LANCL2: variants seen among roughly 807,000 people sequenced by gnomAD.
LANCL2 encodes the protein lanC-like protein 2.
In LANCL2, 33 loss-of-function variants were observed where a neutral mutation model predicts 56.9. That is an observed-to-expected ratio of 0.58 (90% CI 0.44 to 0.78). The LOEUF is 0.78. Ranked by LOEUF, LANCL2 falls within the 30% of genes least tolerant of loss-of-function variation. LANCL2 has a pLI of 0.00. For missense variants in LANCL2, 562 were observed against 580.2 expected, an observed-to-expected ratio of 0.97 and a Z score of 0.32; for synonymous variants, 233 against 228.2, an observed-to-expected ratio of 1.02 and a Z score of -0.19.
chr7:55,387,613 T>C (rs1790139514), intron 1 of LANCL2, among the ~76,000 whole-genome samples: 1 of 151,716 alleles, frequency 6.6e-6, no homozygotes, highest in Admixed American at 6.6e-5. Flanking sequence ...AGCAGATTAA[T>C]ACCTTAAGAA....
chr7:55,403,574 T>G (rs926899564), intron 5 of LANCL2, among the ~76,000 whole-genome samples: 13 of 139,738 alleles, frequency 9.3e-5, no homozygotes, highest in Non-Finnish European at 1.9e-4. Flanking sequence ...TTGTTGTTTT[T>G]TTTTTTTTTT....
rs866734963 is a variant in LANCL2, at chr7:55,401,519, T to C, written c.825+199T>C. Among the ~76,000 whole-genome samples the C allele has an allele frequency of 3.5e-4, 25 of 71,080 alleles. 1 individual carries two copies. Among genetic ancestry groups the C allele is most frequent in the African/African-American group, 1.7e-3 (25 of 14,838 alleles). The allele number at this position is 71,080 out of a possible 152,430, so 46.6% of individuals were successfully genotyped here. On this transcript the variant is annotated intron_variant, in intron 5 of 8. Coordinates refer to ENST00000254770, the MANE Select transcript of LANCL2 (RefSeq NM_018697.4). Reference sequence around the variant, plus strand: ...TGAGTACATTTGGTATGGAGTCTTTTTTTTTTTTTTTTTTTTTTTTTTCCA... The same window carrying C: ...TGAGTACATTTGGTATGGAGTCTTTCTTTTTTTTTTTTTTTTTTTTTTCCA...
intron 1 of LANCL2, among the ~76,000 whole-genome samples, chr7:55,385,769 G>T (rs1790118627): frequency 6.6e-6 from 1 of 152,176 alleles, no homozygotes; most frequent in South Asian, 2.1e-4. Context: ...AGATCAACCG[G>T]TCTGACCAAA....
At position 55,432,758 on chromosome 7, in the gene LANCL2, T is replaced by C. The variant is rs1458634172; in HGVS notation, c.*1438T>C. The C allele has an allele frequency of 6.6e-6, 1 of 152,256 alleles. No homozygotes were observed. The highest frequency in any genetic ancestry group is 1.9e-4 in the East Asian group (1 of 5,206). The allele number at this position is 152,256 out of a possible 1,614,324, so 9.4% of individuals were successfully genotyped here. On this transcript the variant is annotated 3_prime_UTR_variant, in exon 9 of 9. Transcript: ENST00000254770. ...GGGCTGGCACCCGAAATGTGTGACA[T>C]TCAGCTTCTAAACGATGCCTGGAGA...
In LANCL2 at chr7:55,418,970, C is replaced by T. The variant is rs1459536691; in HGVS notation, c.1009-6284C>T. Among the ~76,000 whole-genome samples, 10 of 152,104 alleles carry T rather than the reference C, an allele frequency of 6.6e-5. No individual in the cohort carries two copies. The East Asian group carries it at 1.9e-3, about 29-fold the overall frequency. On this transcript the variant is annotated intron_variant, in intron 6 of 8. Transcript: ENST00000254770. ...AACCTTGCATTCCTAGTATAAACCTCACTTGGGCATGATTTTTATCCTTTT... is the reference window on the plus strand; with the variant it reads ...AACCTTGCATTCCTAGTATAAACCTTACTTGGGCATGATTTTTATCCTTTT...
chr7:55,423,301 C>T (rs934104552), intron 6 of LANCL2, among the ~76,000 whole-genome samples: 2 of 152,302 alleles, frequency 1.3e-5, no homozygotes, highest in East Asian at 3.9e-4. Context: ...GGGCATGGCT[C>T]TAGCAGCCTC....
intron 6 of LANCL2, among the ~76,000 whole-genome samples, chr7:55,416,931 T>G (rs1790545993): frequency 6.6e-6 from 1 of 151,494 alleles, no homozygotes; most frequent in Non-Finnish European, 1.5e-5. Context: ...TTATCTCAAA[T>G]TAAGTTTTGT....
At chr7:55,393,245 G>A in intron 2 of LANCL2, among the ~76,000 whole-genome samples, 1 of 152,134 alleles carries the variant, frequency 6.6e-6, no homozygotes, top group East Asian at 1.9e-4. Flanking sequence ...TTAATAAACA[G>A]CATAGGCCAG....
At chr7:55,406,527 C>T (rs1488507981) in intron 5 of LANCL2, among the ~76,000 whole-genome samples, 2 of 152,284 alleles carry the variant, frequency 1.3e-5, no homozygotes, top group East Asian at 3.9e-4. Context: ...CTTAGCCTGT[C>T]ATGACTGGGA....
chr7:55,391,322 CT>C (rs1355881404), intron 1 of LANCL2, among the ~76,000 whole-genome samples: 2 of 152,018 alleles, frequency 1.3e-5, no homozygotes, highest in Non-Finnish European at 2.9e-5. Context: ...CCGGCCTGAA[CT>C]TTTTTTGTGT....
chr7:55,402,165 A>G (rs1251825839), intron 5 of LANCL2, among the ~76,000 whole-genome samples: 2 of 143,894 alleles, frequency 1.4e-5, no homozygotes, highest in Admixed American at 6.9e-5. Flanking sequence ...CTGGCCGGGC[A>G]GAGGGGCTCC....
intron 6 of LANCL2, among the ~76,000 whole-genome samples, chr7:55,420,339 G>A (rs1790594463): frequency 1.3e-5 from 2 of 152,172 alleles, no homozygotes; most frequent in Non-Finnish European, 1.5e-5. Flanking sequence ...GAAGTGGGTT[G>A]TGTGTTTTTC....
intron 7 of LANCL2, among the ~76,000 whole-genome samples, chr7:55,426,118 T>A (rs1790661795): frequency 6.6e-6 from 1 of 152,220 alleles, no homozygotes; most frequent in Admixed American, 6.5e-5. Context: ...TGGAGGGATC[T>A]TTGAGACCCC....
chr7:55,415,140 G>A (rs17172479), intron 6 of LANCL2, among the ~76,000 whole-genome samples: 51,086 of 152,010 alleles, frequency 0.34, 9,201 homozygotes, highest in East Asian at 0.53. Context: ...TTCTATTCAC[G>A]TTTTGAGTTC....
intron 5 of LANCL2, among the ~76,000 whole-genome samples, chr7:55,403,578 T>G (rs939292158): frequency 1.1e-4 from 16 of 141,560 alleles, no homozygotes; most frequent in Middle Eastern, 3.5e-3. Context: ...TGTTTTTTTT[T>G]TTTTTTTTTT....
rs184522138 is a variant in LANCL2, at chr7:55,404,633, A to G, written c.825+3313A>G. Among the ~76,000 whole-genome samples the G allele has an allele frequency of 5.7e-3, 832 of 146,946 alleles. 9 individuals carry two copies. The highest frequency in any genetic ancestry group is 0.02 in the African/African-American group (791 of 39,704). ...TTTCTTTTTTTTTCTTTTTTTTTTG[A>G]GATGGAATCTTGCTTTGTCGCCCAG... On this transcript the variant is annotated intron_variant, in intron 5 of 8. Coordinates refer to ENST00000254770, the MANE Select transcript of LANCL2 (RefSeq NM_018697.4).
chr7:55,398,861 C>G lies in LANCL2; in HGVS notation c.530+231C>G, dbSNP rs147563305. On this transcript the variant is annotated intron_variant, in intron 3 of 8. Coordinates refer to ENST00000254770, the MANE Select transcript of LANCL2 (RefSeq NM_018697.4). ...ATATTTCCTTATTTTAACCATGTTTCCTAAGCAATTTTTTGTTTTCTTCAA... is the reference window on the plus strand; with the variant it reads ...ATATTTCCTTATTTTAACCATGTTTGCTAAGCAATTTTTTGTTTTCTTCAA... 5.4e-3 allele frequency among the ~76,000 whole-genome samples: 816 copies of G among 152,198 alleles called. 5 individuals carry two copies. The highest frequency in any genetic ancestry group is 0.017 in the African/African-American group (712 of 41,518).
chr7:55,412,146 A>G (rs1790478758), intron 6 of LANCL2, 57 bp downstream of exon 6: 1 of 1,537,740 alleles, frequency 6.5e-7, no homozygotes, highest in South Asian at 1.2e-5. Context: ...TTTCCCTGTC[A>G]GGTTTTGGGT....
chr7:55,401,174 G>A lies in LANCL2; in HGVS notation c.679G>A (p.Val227Ile), dbSNP rs565867587. Residue 227 changes from valine to isoleucine, a missense_variant and splice_region_variant, in exon 5 of 9, where the codon GTA (valine) becomes ATA (isoleucine). Physicochemically the swap from Val to Ile is conservative, Grantham distance 29. Transcript: ENST00000254770. Reference protein sequence around the residue: ...GTVCESAIKEVVNAIIESGKT... With the variant: ...GTVCESAIKEIVNAIIESGKT... ...TTATGCTGTCTTGTTATCTCTGTAG[G>A]TAGTCAATGCTATTATTGAATCGGG... 4 of 1,613,606 alleles carry A rather than the reference G, an allele frequency of 2.5e-6. No individual in the cohort carries two copies. Among genetic ancestry groups the A allele is most frequent in the Admixed American group, 3.3e-5 (2 of 60,020 alleles).
Sources: allele counts gnomAD v4.1 joint callset (sites outside exome capture counted in the v4.1 genomes callset), GRCh38; gene constraint gnomAD v4.1.1; transcripts MANE v1.5; gene names NCBI Gene and HGNC (gene_info 2026-07-23, HGNC 2026-07-21).